SMIM41: variants seen among roughly 807,000 people sequenced by gnomAD.
The protein encoded by SMIM41 is small integral membrane protein 41.
chr12:52,098,355 A>G (rs888717804), intron 2 of SMIM41, among the ~76,000 whole-genome samples: 2 of 151,908 alleles, frequency 1.3e-5, no homozygotes, highest in Non-Finnish European at 2.9e-5. Context: ...TCAGTGCACT[A>G]TTTCAGGTGG....
At chr12:52,089,603 AAAAC>A (rs1435632877) in intron 2 of SMIM41, among the ~76,000 whole-genome samples, 2 of 12,718 alleles carry the variant, frequency 1.6e-4, no homozygotes, top group African/African-American at 2.3e-4. Context: ...TCAAAAAAAC[AAAAC>A]AAAACAAAAC....
intron 2 of SMIM41, among the ~76,000 whole-genome samples, chr12:52,090,447 G>C (rs1311218823): frequency 6.8e-6 from 1 of 147,342 alleles, no homozygotes; most frequent in Non-Finnish European, 1.5e-5. Flanking sequence ...GGGAGGGGGC[G>C]GGGGGGAAGC....
At chr12:52,104,681 G>T (rs965855986) in intron 2 of SMIM41, among the ~76,000 whole-genome samples, 1 of 151,972 alleles carries the variant, frequency 6.6e-6, no homozygotes, top group African/African-American at 2.4e-5. Context: ...GTCGGGGGGG[G>T]GCGGTCTCAG....
At chr12:52,102,701 G>T (rs1287035374) in intron 2 of SMIM41, among the ~76,000 whole-genome samples, 2 of 152,216 alleles carry the variant, frequency 1.3e-5, no homozygotes, top group Non-Finnish European at 2.9e-5. Flanking sequence ...GGATGGATAT[G>T]ATAAACAAGC....
chr12:52,092,172 C>T (rs1056184632), intron 2 of SMIM41: 1 of 152,192 alleles, frequency 6.6e-6, no homozygotes, highest in Non-Finnish European at 1.5e-5. Context: ...GAATGGAACC[C>T]TTTGCTGCCT....
chr12:52,084,012 T>A (rs1418143725), intron 2 of SMIM41, 44 bp downstream of exon 2: 1 of 152,144 alleles, frequency 6.6e-6, no homozygotes, highest in African/African-American at 2.4e-5. Context: ...CATTTTATTC[T>A]CTTTTCCATG....
chr12:52,080,802 A>G (rs1939807919), intron 1 of SMIM41, among the ~76,000 whole-genome samples: 1 of 152,038 alleles, frequency 6.6e-6, no homozygotes. Flanking sequence ...GGGCAGATCC[A>G]GGGGCCTGGG....
At chr12:52,095,324 G>T (rs1345801696) in intron 2 of SMIM41, among the ~76,000 whole-genome samples, 10 of 151,006 alleles carry the variant, frequency 6.6e-5, no homozygotes, top group African/African-American at 2.4e-4. Context: ...AGGGGGGCGG[G>T]CGCCCCCCGC....
Position 52,098,040 on chromosome 12 carries a change from A to C in SMIM41, c.*196-9339A>C, listed in dbSNP as rs1384208988. 8.3e-5 allele frequency among the ~76,000 whole-genome samples: 12 copies of C among 143,856 alleles called. No individual in the cohort carries two copies. In the Admixed American group the frequency reaches 9.3e-4, roughly 11 times the overall value. 94.4% of individuals were successfully genotyped at this position (143,856 alleles called of 152,430 possible). A position where few individuals can be genotyped will look rare whatever the true frequency, so the allele number is the denominator to read the frequency against. ...GAAGTATCATCCTCTCCCTTCTTGG[A>C]TATTAGGAGCAATATCACAGTGTGC... On this transcript the variant is annotated intron_variant, in intron 2 of 2. Coordinates refer to ENST00000546390, the MANE Select transcript of SMIM41 (RefSeq NM_001369216.1).
At chr12:52,100,507 A>G (rs1423515934) in intron 2 of SMIM41, among the ~76,000 whole-genome samples, 4 of 150,730 alleles carry the variant, frequency 2.7e-5, no homozygotes. Flanking sequence ...CCCAGGCTGG[A>G]GTGCAATGGC....
At chr12:52,103,938 T>G (rs140576020) in intron 2 of SMIM41, among the ~76,000 whole-genome samples, 1 of 152,290 alleles carries the variant, frequency 6.6e-6, no homozygotes, top group East Asian at 1.9e-4. Flanking sequence ...CTGGAGATGA[T>G]GGCGGTGATG....
chr12:52,096,817 C>T (rs1050206090), intron 2 of SMIM41, among the ~76,000 whole-genome samples: 9 of 151,882 alleles, frequency 5.9e-5, no homozygotes, highest in Non-Finnish European at 1.3e-4. Context: ...AATATTGCGA[C>T]ATTCCTCACA....
rs1939816193 is a variant in SMIM41, at chr12:52,081,311, G to C, written c.*120+1130G>C. Reference sequence around the variant, plus strand: ...CCCCTGCTTATCTGGGGTAGGGCAGGGTCCCAGTTTCCATCCGAGAAAGGA... The same window carrying C: ...CCCCTGCTTATCTGGGGTAGGGCAGCGTCCCAGTTTCCATCCGAGAAAGGA... On this transcript the variant is annotated intron_variant, in intron 1 of 2. Coordinates refer to ENST00000546390, the MANE Select transcript of SMIM41 (RefSeq NM_001369216.1). The surrounding 1 kb of genome is among the most constrained non-coding windows in gnomAD (Gnocchi z 4.1). Among the ~76,000 whole-genome samples the C allele has an allele frequency of 6.6e-6, 1 of 152,116 alleles. No individual in the cohort carries two copies. Among genetic ancestry groups the C allele is most frequent in the Non-Finnish European group, 1.5e-5 (1 of 67,986 alleles).
At chr12:52,087,855 A>C (rs7132828) in intron 2 of SMIM41, among the ~76,000 whole-genome samples, 147,226 of 152,248 alleles carry the variant, frequency 0.97, 71,203 homozygotes, top group East Asian at 1. Flanking sequence ...GGGCATCTCC[A>C]GTCTCTCCTT....
intron 2 of SMIM41, among the ~76,000 whole-genome samples, chr12:52,102,139 C>T (rs1337529147): frequency 6.6e-6 from 1 of 152,172 alleles, no homozygotes; most frequent in African/African-American, 2.4e-5. Context: ...GGAAAAGCAG[C>T]CTTTTCAAGA....
At chr12:52,085,365 CA>C (rs1939878212) in intron 2 of SMIM41, among the ~76,000 whole-genome samples, 1 of 152,184 alleles carries the variant, frequency 6.6e-6, no homozygotes, top group African/African-American at 2.4e-5. Flanking sequence ...CATGGCCTGA[CA>C]AGGCCCTGAA....
At chr12:52,087,512 C>G (rs2120660738) in intron 2 of SMIM41, 1 of 152,770 alleles carries the variant, frequency 6.5e-6, no homozygotes, top group Admixed American at 6.5e-5. Context: ...TGGGTGGTTG[C>G]TCCAGCGGCT....
At chr12:52,089,397 C>T (rs1188779665) in intron 2 of SMIM41, among the ~76,000 whole-genome samples, 1 of 151,994 alleles carries the variant, frequency 6.6e-6, no homozygotes, top group Non-Finnish European at 1.5e-5. Context: ...GAATTGAAGA[C>T]CAGCCTGGGC....
At chr12:52,093,307 A>G (rs1023744180) in intron 2 of SMIM41, among the ~76,000 whole-genome samples, 1 of 152,346 alleles carries the variant, frequency 6.6e-6, no homozygotes, top group Middle Eastern at 3.4e-3. Context: ...TTCATACAGG[A>G]TGGAAATGTA....
Sources: gnomAD v4.1 joint callset for allele counts (sites outside exome capture counted in the v4.1 genomes callset) on GRCh38, gnomAD v4.1.1 for gene constraint, Gnocchi (gnomAD v3.1) non-coding constraint, MANE v1.5 for transcripts, NCBI Gene and HGNC (gene_info 2026-07-23, HGNC 2026-07-21) for gene names.